PSMG4: variants seen among roughly 807,000 people sequenced by gnomAD.
PSMG4 encodes the protein proteasome assembly chaperone 4, also known as proteasome (prosome, macropain) assembly chaperone 4.
In PSMG4, 10 loss-of-function variants were observed where a neutral mutation model predicts 11.0. The observed-to-expected ratio is 0.91, with a 90% confidence interval of 0.56 to 1.54. PSMG4 has a LOEUF of 1.54. PSMG4 is among the 40% of genes most tolerant of loss of function. PSMG4 has a pLI of 0.00. For missense variants in PSMG4, 198 were observed against 160.9 expected (o/e 1.23, Z -1.25); for synonymous variants, 95 against 71.3 (o/e 1.33, Z -1.68).
upstream of PSMG4, chr6:3,258,931 C>G (rs1413001304): frequency 2.6e-6 from 3 of 1,170,434 alleles, no homozygotes; most frequent in African/African-American, 4.8e-5. Flanking sequence ...AAAGCGCGCT[C>G]GGTCTCTCGG....
intron 2 of PSMG4, 156 bp from the exon 3 acceptor site, chr6:3,267,435 A>G: frequency 1.3e-6 from 1 of 759,700 alleles, no homozygotes; most frequent in African/African-American, 1.8e-5. Flanking sequence ...CTGCATTTGC[A>G]GCACCTGTCT....
chr6:3,255,175 G>A (rs1757715486), upstream of PSMG4: 3 of 1,550,750 alleles, frequency 1.9e-6, no homozygotes, highest in Non-Finnish European at 2.6e-6. Context: ...CGGCTTACAT[G>A]TGCGCTCTGG....
At chr6:3,262,227 G>A (rs548471538) in intron 1 of PSMG4, among the ~76,000 whole-genome samples, 1 of 152,302 alleles carries the variant, frequency 6.6e-6, no homozygotes, top group African/African-American at 2.4e-5. Flanking sequence ...AACTCCCTGG[G>A]CATCTGCTGG....
intron 1 of PSMG4, among the ~76,000 whole-genome samples, chr6:3,261,960 C>CT (rs1451353451): frequency 6.6e-6 from 1 of 152,244 alleles, no homozygotes; most frequent in Non-Finnish European, 1.5e-5. Context: ...ACCAGACGGT[C>CT]TGTGAGGTCT....
At chr6:3,264,402 C>T (rs558184044) in intron 2 of PSMG4, 6 of 1,501,798 alleles carry the variant, frequency 4.0e-6, no homozygotes, top group South Asian at 1.3e-5. Flanking sequence ...GTCTCCTGCC[C>T]AGGCCTGGCG....
chr6:3,254,585 G>C (rs183073031), upstream of PSMG4, among the ~76,000 whole-genome samples: 1 of 152,118 alleles, frequency 6.6e-6, no homozygotes, highest in African/African-American at 2.4e-5. Flanking sequence ...GGAACCCAAC[G>C]ATGGAAGTAA....
intron 2 of PSMG4, chr6:3,266,931 C>A (rs1758205098): frequency 6.6e-6 from 1 of 150,998 alleles, no homozygotes; most frequent in Non-Finnish European, 1.5e-5. Flanking sequence ...TCTTGGCTCA[C>A]TGCAAGCTCC....
chr6:3,260,269 C>T (rs1757929113), intron 1 of PSMG4, among the ~76,000 whole-genome samples: 1 of 109,802 alleles, frequency 9.1e-6, no homozygotes, highest in African/African-American at 3.4e-5. Flanking sequence ...ATAACCTTGT[C>T]TTAAATTGTA....
chr6:3,262,132 G>T (rs902658900), intron 1 of PSMG4, among the ~76,000 whole-genome samples: 3 of 152,160 alleles, frequency 2.0e-5, no homozygotes, highest in African/African-American at 7.2e-5. Context: ...AAGCTGGCCT[G>T]GGACCTGGGC....
chr6:3,257,894 G>C (rs1240597982), upstream of PSMG4, among the ~76,000 whole-genome samples: 1 of 152,174 alleles, frequency 6.6e-6, no homozygotes, highest in Non-Finnish European at 1.5e-5. Context: ...TTAAAATATT[G>C]ACCTGAAAAT....
At chr6:3,255,098 A>G (rs527269868), upstream of PSMG4, 49 of 1,551,042 alleles carry the variant, frequency 3.2e-5, no homozygotes, top group South Asian at 8.3e-5. Flanking sequence ...AGTTGGCTGC[A>G]TAGGAGCACA....
At chr6:3,254,977 T>C (rs1372694182), upstream of PSMG4, 6 of 1,457,664 alleles carry the variant, frequency 4.1e-6, no homozygotes, top group South Asian at 4.0e-5. Context: ...GTGATGTGGC[T>C]GTGGATCCCA....
At chr6:3,255,340 T>G, upstream of PSMG4, 1 of 1,464,732 alleles carries the variant, frequency 6.8e-7, no homozygotes, top group Non-Finnish European at 9.1e-7. Flanking sequence ...GTGGAGTCAT[T>G]CTATGTAGTT....
chr6:3,267,516 C>A, intron 2 of PSMG4, 75 bp from the exon 3 acceptor site: 1 of 1,502,628 alleles, frequency 6.7e-7, no homozygotes, highest in South Asian at 1.3e-5. Flanking sequence ...CATTTCCCAG[C>A]TGCACGTGGC....
upstream of PSMG4, chr6:3,255,217 A>G (rs1757717948): frequency 3.9e-6 from 6 of 1,549,924 alleles, no homozygotes; most frequent in South Asian, 3.6e-5. Flanking sequence ...CAGCAGGAGC[A>G]AAATCAACTC....
At chr6:3,254,796 T>A (rs190824458), upstream of PSMG4, among the ~76,000 whole-genome samples, 1 of 151,956 alleles carries the variant, frequency 6.6e-6, no homozygotes, top group Non-Finnish European at 1.5e-5. Flanking sequence ...ATGCTTGGGG[T>A]CAGAGCAACA....
upstream of PSMG4, among the ~76,000 whole-genome samples, chr6:3,256,730 A>G (rs545394201): frequency 5.3e-5 from 8 of 152,322 alleles, no homozygotes; most frequent in South Asian, 2.1e-4. Context: ...CTGGAGCCAA[A>G]ATGGCCCATC....
intron 2 of PSMG4, chr6:3,265,262 TG>T (rs1302486096): frequency 7.4e-6 from 1 of 134,934 alleles, no homozygotes; most frequent in African/African-American, 2.8e-5. Context: ...GCCTTGAGCC[TG>T]GGTCTGGGCC....
chr6:3,254,452 T>C (rs1054918561), upstream of PSMG4, among the ~76,000 whole-genome samples: 1 of 16,738 alleles, frequency 6.0e-5, no homozygotes, highest in East Asian at 2.1e-3. Flanking sequence ...AGTTTTCTGC[T>C]TTTTTTGTGT....
Sources: allele counts gnomAD v4.1 joint callset (sites outside exome capture counted in the v4.1 genomes callset), GRCh38; gene constraint gnomAD v4.1.1; transcripts MANE v1.5; gene names NCBI Gene and HGNC (gene_info 2026-07-23, HGNC 2026-07-21).